The following STARD9 variants were observed in gnomAD, a reference collection of about 807,000 sequenced individuals.
STARD9 encodes StAR related lipid transfer domain containing 9.
STARD9 carries 346 observed loss-of-function variants against 399.8 expected under a neutral mutation model. The observed-to-expected ratio is 0.87, with a 90% CI of 0.79 to 0.95. The LOEUF (loss-of-function observed/expected upper bound fraction) is 0.95, where lower values mean the gene tolerates loss of function less well. Ranked by LOEUF, STARD9 falls within the 40% of genes least tolerant of loss-of-function variation. The pLI is 0.00. For missense variants in STARD9, 5,832 were observed against 5,667.5 expected (o/e 1.03, Z -0.93); for synonymous variants, 2,203 against 2,143.5 (o/e 1.03, Z -0.77).
chr15:42,584,490 G>A (rs938650955), intron 2 of STARD9, among the ~76,000 whole-genome samples: 10 of 152,196 alleles, frequency 6.6e-5, no homozygotes, highest in Admixed American at 3.3e-4. Context: ...CTCCCTGGCT[G>A]CTGACTTCCC....
chr15:42,712,769 C>T (rs1248723785), intron 26 of STARD9, among the ~76,000 whole-genome samples: 4 of 152,252 alleles, frequency 2.6e-5, no homozygotes, highest in South Asian at 2.1e-4. Context: ...TGGCCTCAAG[C>T]GATCCTCCCA....
chr15:42,645,482 A>G (rs937997658), intron 7 of STARD9, among the ~76,000 whole-genome samples: 1 of 152,058 alleles, frequency 6.6e-6, no homozygotes, highest in Admixed American at 6.5e-5. Flanking sequence ...CTGTAAGCAG[A>G]TACGCTGTCA....
intron 1 of STARD9, 39 bp from the exon 2 acceptor site, chr15:42,583,307 A>T: frequency 6.7e-7 from 1 of 1,482,726 alleles, no homozygotes; most frequent in Non-Finnish European, 9.1e-7. Context: ...TCTTGATTTT[A>T]AAAACAACAT....
chr15:42,681,986 C>T, intron 21 of STARD9, 118 bp from the exon 22 acceptor site: 1 of 705,030 alleles, frequency 1.4e-6, no homozygotes, highest in Non-Finnish European at 2.3e-6. Context: ...TGCCACATCA[C>T]CTTGGCCAGC....
chr15:42,594,811 C>T (rs1041794272), intron 3 of STARD9, among the ~76,000 whole-genome samples: 1 of 152,100 alleles, frequency 6.6e-6, no homozygotes, highest in African/African-American at 2.4e-5. Context: ...TTAGATCTAA[C>T]CTGTCCCTGG....
At position 42,688,323 on chromosome 15, in the gene STARD9, G is replaced by C; in HGVS notation, c.6745G>C (p.Val2249Leu). 1.3e-6 allele frequency: 2 copies of C among 1,537,404 alleles called. No homozygotes were observed. Among genetic ancestry groups the C allele is most frequent in the Non-Finnish European group, 8.7e-7 (1 of 1,146,970 alleles). The change falls in exon 23 of 33, where the codon GTG (valine) becomes CTG (leucine). Residue 2249 changes from valine (V) to leucine (L), a missense_variant. Transcript: ENST00000290607. ...GLGSLEELET[V>L]KGFQESQVAE... is the part of the protein sequence containing the mutation. ...AGGAAGTCTTGAGGAATTGGAGACTGTGAAAGGTTTTCAGGAAAGCCAAGT... is the reference window on the plus strand; with the variant it reads ...AGGAAGTCTTGAGGAATTGGAGACTCTGAAAGGTTTTCAGGAAAGCCAAGT...
In STARD9 at chr15:42,689,134, G is replaced by A; in HGVS notation, c.7556G>A (p.Ser2519Asn). 1 of 1,537,304 alleles carries A rather than the reference G, an allele frequency of 6.5e-7. No individual in the cohort carries two copies. The highest frequency in any genetic ancestry group is 1.7e-4 in the Middle Eastern group (1 of 5,990). ...GAGACTGAGGACGTCGGACTGACCA[G>A]CGGTGTTTCCTTAGCACCTGTTTCC... ...EKETEDVGLT[S>N]GVSLAPVSLP... is the part of the protein sequence containing the mutation. Residue 2519 changes from serine (S) to asparagine (N), a missense_variant, in exon 23 of 33, where the codon AGC becomes AAC. This residue lies in a region of STARD9 where 5,828 missense variants were observed against 5,651.1 expected (regional missense o/e 1.03). Coordinates refer to ENST00000290607, the MANE Select transcript of STARD9 (RefSeq NM_020759.3).
In STARD9 at chr15:42,694,670, A is replaced by G; in HGVS notation, c.12907A>G (p.Ser4303Gly). The change falls in exon 24 of 33, where the codon AGC (serine) becomes GGC (glycine). Residue 4303 changes from serine to glycine, a missense_variant. This residue lies in a region of STARD9 where 5,828 missense variants were observed against 5,651.1 expected (regional missense o/e 1.03). Coordinates refer to ENST00000290607, the MANE Select transcript of STARD9 (RefSeq NM_020759.3). ...DLFIWDLDLP[S>G]RRREYLQQLR... ...CTTCATCTGGGATCTTGACTTGCCC[A>G]GCAGACGCCGAGAATACCTGCAGCA... 6.5e-7 allele frequency: 1 copy of G among 1,537,212 alleles called. No homozygotes were observed. The highest frequency in any genetic ancestry group is 8.7e-7 in the Non-Finnish European group (1 of 1,146,892).
rs1260840616 is a variant in STARD9, at chr15:42,693,446, C to T, written c.11868C>T (p.Asp3956=). 3.1e-5 allele frequency: 47 copies of T among 1,537,190 alleles called. No homozygotes were observed. The highest frequency in any genetic ancestry group is 3.3e-4 in the Middle Eastern group (2 of 5,990). ...TPMDNYSQTT[D]ELGGSQRGRS... ...TGGATAATTATTCCCAAACCACTGA[C>T]GAGTTAGGTGGCTCCCAGAGAGGTA... Residue 3956 remains aspartate (D), a synonymous_variant, in exon 23 of 33, where the codon GAC becomes GAT. Transcript: ENST00000290607.
intron 20 of STARD9, among the ~76,000 whole-genome samples, chr15:42,678,232 G>T (rs1368887411): frequency 6.6e-6 from 1 of 152,216 alleles, no homozygotes; most frequent in Non-Finnish European, 1.5e-5. Context: ...TAAATTGTCA[G>T]CTGGGCTCCC....
chr15:42,589,504 C>G (rs189603968), intron 3 of STARD9, among the ~76,000 whole-genome samples: 75 of 152,290 alleles, frequency 4.9e-4, no homozygotes, highest in African/African-American at 1.8e-3. Context: ...TTTTCTGTCC[C>G]TACAGTTTTA....
intron 3 of STARD9, among the ~76,000 whole-genome samples, chr15:42,631,817 GATTTTTTTTTT>G (rs897987927): frequency 1.1e-4 from 17 of 151,856 alleles, no homozygotes; most frequent in African/African-American, 3.6e-4. Context: ...CTTTCAGGAA[GATTTTTTTTTT>G]AAATTATTTA....
intron 32 of STARD9, 85 bp downstream of exon 32, chr15:42,718,995 C>T: frequency 7.7e-7 from 1 of 1,300,622 alleles, no homozygotes; most frequent in Non-Finnish European, 1.1e-6. Context: ...CGCTTTTGAA[C>T]ACCCTCCAGT....
In STARD9 at chr15:42,688,557, C is replaced by G. The variant is rs1566940901; in HGVS notation, c.6979C>G (p.Leu2327Val). 6.5e-6 allele frequency: 10 copies of G among 1,537,794 alleles called. No individual in the cohort carries two copies. In the African/African-American group the frequency reaches 1.2e-4, roughly 19 times the overall value. The change falls in exon 23 of 33, where the codon CTT (leucine) becomes GTT (valine). Residue 2327 changes from leucine (L) to valine (V), a missense_variant. Coordinates refer to ENST00000290607, the MANE Select transcript of STARD9 (RefSeq NM_020759.3). ...LSRTEFCTAP[L>V]HQDLSNTLPL... ...CCGGACAGAATTCTGTACAGCTCCTCTTCACCAAGACCTGAGTAATACCTT... is the reference window on the plus strand; with the variant it reads ...CCGGACAGAATTCTGTACAGCTCCTGTTCACCAAGACCTGAGTAATACCTT...
chr15:42,703,657 G>A (rs1385930431), intron 26 of STARD9, among the ~76,000 whole-genome samples: 1 of 151,900 alleles, frequency 6.6e-6, no homozygotes, highest in East Asian at 1.9e-4. Flanking sequence ...ACAGGCGTGG[G>A]CCACCGCGCC....
At chr15:42,614,062 C>T (rs1478446665) in intron 3 of STARD9, among the ~76,000 whole-genome samples, 1 of 152,008 alleles carries the variant, frequency 6.6e-6, no homozygotes, top group Non-Finnish European at 1.5e-5. Flanking sequence ...CCTGTAATTC[C>T]AGCACTTTGG....
Position 42,686,762 on chromosome 15 carries a change from C to T in STARD9, c.5184C>T (p.His1728=). The T allele has an allele frequency of 6.5e-7, 1 of 1,537,478 alleles. No homozygotes were observed. The highest frequency in any genetic ancestry group is 8.7e-7 in the Non-Finnish European group (1 of 1,146,968). The change falls in exon 23 of 33, where the codon CAC becomes CAT. Residue 1728 remains histidine (H), a synonymous_variant. Transcript: ENST00000290607. ...ALPSGPELYL[H]SAPWNPLSSS... ...CTTCAGGTCCAGAGCTATACCTTCA[C>T]TCTGCTCCCTGGAATCCATTGTCAT...
At chr15:42,617,947 A>G (rs2059006240) in intron 3 of STARD9, among the ~76,000 whole-genome samples, 1 of 151,808 alleles carries the variant, frequency 6.6e-6, no homozygotes, top group Non-Finnish European at 1.5e-5. Flanking sequence ...TTTTGTACAT[A>G]CGGGGTCCCA....
At chr15:42,712,117 TA>T (rs565839313) in intron 26 of STARD9, among the ~76,000 whole-genome samples, 1 of 43,874 alleles carries the variant, frequency 2.3e-5, no homozygotes, top group African/African-American at 3.8e-4. Flanking sequence ...ATATAATATA[TA>T]ATATATATAT....
Sources: allele counts gnomAD v4.1 joint callset (sites outside exome capture counted in the v4.1 genomes callset), GRCh38; gene constraint gnomAD v4.1.1; regional missense constraint gnomAD v4.1.1; transcripts MANE v1.5; gene names NCBI Gene and HGNC (gene_info 2026-07-23, HGNC 2026-07-21).